ERGIC1: variants seen among roughly 807,000 people sequenced by gnomAD.
ERGIC1 encodes the protein endoplasmic reticulum-golgi intermediate compartment 1.
ERGIC1 carries 19 observed loss-of-function variants against 38.3 expected under a neutral mutation model. That is an observed-to-expected ratio of 0.50 (90% CI 0.35 to 0.73). ERGIC1 has a LOEUF of 0.73. ERGIC1 is among the 30% of genes least tolerant of loss of function. The pLI is 0.01. For missense variants in ERGIC1, 294 were observed against 389.2 expected (o/e 0.76, Z 2.06); for synonymous variants, 124 against 157.6 (o/e 0.79, Z 1.60).
intron 1 of ERGIC1, 74 bp from the exon 2 acceptor site, chr5:172,888,625 C>A: frequency 8.4e-7 from 1 of 1,184,300 alleles, no homozygotes; most frequent in Non-Finnish European, 1.3e-6. Flanking sequence ...GTCACACAAG[C>A]CAGCACCACT....
At chr5:172,913,682 G>T (rs1239966799) in intron 4 of ERGIC1, among the ~76,000 whole-genome samples, 1 of 152,188 alleles carries the variant, frequency 6.6e-6, no homozygotes, top group Non-Finnish European at 1.5e-5. Flanking sequence ...TAGTTCACAG[G>T]GATCATCTCA....
intron 5 of ERGIC1, chr5:172,916,447 G>A (rs1454787013): frequency 6.6e-6 from 1 of 152,194 alleles, no homozygotes; most frequent in Non-Finnish European, 1.5e-5. Flanking sequence ...TTTGAACAGG[G>A]AGGCAATGTA....
intron 1 of ERGIC1, among the ~76,000 whole-genome samples, chr5:172,885,823 C>G (rs568516051): frequency 6.6e-6 from 1 of 152,196 alleles, no homozygotes; most frequent in African/African-American, 2.4e-5. Context: ...AAGGCCTCTC[C>G]GCTCAAATGG....
intron 1 of ERGIC1, among the ~76,000 whole-genome samples, chr5:172,840,488 A>G (rs1310672004): frequency 1.3e-5 from 2 of 152,178 alleles, no homozygotes; most frequent in Non-Finnish European, 2.9e-5. Flanking sequence ...AAAGTCTCTC[A>G]TGTGATTCTA....
chr5:172,935,325 G>A lies in ERGIC1; in HGVS notation c.765+15G>A, dbSNP rs1763867050. The A allele has an allele frequency of 1.2e-6, 2 of 1,613,928 alleles. No individual in the cohort carries two copies. Among genetic ancestry groups the A allele is most frequent in the African/African-American group, 2.7e-5 (2 of 75,052 alleles). ...TCATCACCACGGTGAGTGGCCTGGG[G>A]CAGTGGGTGGGGCCCTGAGCCAGCC... is the stretch of plus-strand genomic sequence containing the variant. On this transcript the variant is annotated intron_variant, in intron 9 of 9. Coordinates refer to ENST00000393784, the MANE Select transcript of ERGIC1 (RefSeq NM_001031711.3).
Position 172,907,089 on chromosome 5 carries a change from C to G in ERGIC1, c.156-2578C>G, listed in dbSNP as rs553536175. On this transcript the variant is annotated intron_variant, in intron 3 of 9. Transcript: ENST00000393784. ...CCATCAGCAAGTCCCGCCTGCTCTA[C>G]GTGGGTTCCTACAGCCCTCCTCCTC... 4.6e-5 allele frequency among the ~76,000 whole-genome samples: 7 copies of G among 152,328 alleles called. No individual in the cohort carries two copies. In the East Asian group the frequency reaches 9.7e-4, roughly 21 times the overall value.
rs1394526950 is a variant in ERGIC1 at position 172,935,445 on chromosome 5, C to A, written c.765+135C>A. 4 of 1,212,992 alleles carry A rather than the reference C, an allele frequency of 3.3e-6. No homozygotes were observed. The African/African-American group carries it at 4.6e-5, about 14-fold the overall frequency. 75.1% of individuals were successfully genotyped at this position (1,212,992 alleles called of 1,614,324 possible). A position where few individuals can be genotyped will look rare whatever the true frequency, so the allele number is the denominator to read the frequency against. The stretch of plus-strand genomic sequence containing the variant: ...TGCAGGGCTAGGGGCTCTGGCTGGG[C>A]ACAGGAGGCTTCGACCCCAAGGATG... On this transcript the variant is annotated intron_variant, in intron 9 of 9. Coordinates refer to ENST00000393784, the MANE Select transcript of ERGIC1 (RefSeq NM_001031711.3).
chr5:172,884,244 G>GTTTT (rs71579704), intron 1 of ERGIC1, among the ~76,000 whole-genome samples: 8 of 90,612 alleles, frequency 8.8e-5, no homozygotes, highest in East Asian at 3.2e-4. Context: ...GGAACCCCAA[G>GTTTT]TTTTTTTTTT....
intron 4 of ERGIC1, among the ~76,000 whole-genome samples, chr5:172,912,260 C>A (rs560403354): frequency 6.6e-6 from 1 of 152,254 alleles, no homozygotes; most frequent in South Asian, 2.1e-4. Context: ...GGTGGGGGCT[C>A]AGAAGCAAAT....
intron 1 of ERGIC1, among the ~76,000 whole-genome samples, chr5:172,857,588 G>GGCCC (rs1761582691): frequency 4.5e-5 from 6 of 132,596 alleles, no homozygotes; most frequent in Non-Finnish European, 4.8e-5. Flanking sequence ...TAATAATGGT[G>GGCCC]CCCCCCCCAC....
Position 172,920,150 on chromosome 5 carries a change from T to C in ERGIC1, c.376-3855T>C, listed in dbSNP as rs574081691. Among the ~76,000 whole-genome samples the C allele has an allele frequency of 2.5e-3, 374 of 152,240 alleles. 1 individual carries two copies. Among genetic ancestry groups the C allele is most frequent in the African/African-American group, 8.5e-3 (353 of 41,540 alleles). ...TGTCTGTGTGCCCCAGGTCACAGCCTAGGGCACCCTCTGCCCCATACTCCT... is the reference window on the plus strand; with the variant it reads ...TGTCTGTGTGCCCCAGGTCACAGCCCAGGGCACCCTCTGCCCCATACTCCT... On this transcript the variant is annotated intron_variant, in intron 5 of 9. Transcript: ENST00000393784.
At chr5:172,896,053 A>C (rs1354954294) in intron 2 of ERGIC1, among the ~76,000 whole-genome samples, 1 of 152,054 alleles carries the variant, frequency 6.6e-6, no homozygotes, top group Non-Finnish European at 1.5e-5. Context: ...TTTTAAACAT[A>C]TTGGACCGGC....
At chr5:172,909,589 G>A (rs761864961) in intron 3 of ERGIC1, 78 bp from the exon 4 acceptor site, 2 of 1,352,868 alleles carry the variant, frequency 1.5e-6, no homozygotes, top group Non-Finnish European at 2.1e-6. Context: ...ACCAAGTGAA[G>A]TGATCCCCGG....
chr5:172,947,847 A>C (rs1262043056), intron 9 of ERGIC1, among the ~76,000 whole-genome samples: 1 of 150,138 alleles, frequency 6.7e-6, no homozygotes, highest in Non-Finnish European at 1.5e-5. Context: ...TTGGGTTCCA[A>C]ATTGTGTGTA....
At chr5:172,848,494 C>T (rs556970313) in intron 1 of ERGIC1, among the ~76,000 whole-genome samples, 3 of 152,300 alleles carry the variant, frequency 2.0e-5, no homozygotes, top group South Asian at 2.1e-4. Context: ...CTTTTCTGGC[C>T]GCACCTTTTT....
Position 172,948,884 on chromosome 5 carries a change from A to G in ERGIC1, c.766-1825A>G, listed in dbSNP as rs932972617. 2.6e-5 allele frequency among the ~76,000 whole-genome samples: 4 copies of G among 152,134 alleles called. No individual in the cohort carries two copies. In the East Asian group the frequency reaches 7.7e-4, roughly 29 times the overall value. ...GGCAACATAGCGAGACCTCACCTCT[A>G]CAAATTAAAAATTAAAAAAAATTAG... On this transcript the variant is annotated intron_variant, in intron 9 of 9. Transcript: ENST00000393784.
intron 1 of ERGIC1, among the ~76,000 whole-genome samples, chr5:172,873,567 G>C (rs1762070662): frequency 6.6e-6 from 1 of 152,220 alleles, no homozygotes; most frequent in African/African-American, 2.4e-5. Flanking sequence ...TGGCACAGGA[G>C]AGCAGCGATG....
intron 1 of ERGIC1, among the ~76,000 whole-genome samples, chr5:172,864,133 G>A (rs1449877301): frequency 6.6e-6 from 1 of 152,022 alleles, no homozygotes; most frequent in Non-Finnish European, 1.5e-5. Context: ...GGAGGTGGAG[G>A]TTGTAGTGAG....
At chr5:172,838,940 G>A (rs1342391464) in intron 1 of ERGIC1, among the ~76,000 whole-genome samples, 1 of 152,158 alleles carries the variant, frequency 6.6e-6, no homozygotes, top group Non-Finnish European at 1.5e-5. Flanking sequence ...ATACTTTACA[G>A]CAAGTTTTAA....
Sources: allele counts gnomAD v4.1 joint callset (sites outside exome capture counted in the v4.1 genomes callset), GRCh38; gene constraint gnomAD v4.1.1; transcripts MANE v1.5; gene names NCBI Gene and HGNC (gene_info 2026-07-23, HGNC 2026-07-21).